The following AGFG1 variants were observed in gnomAD, a reference collection of about 807,000 sequenced individuals.
AGFG1 encodes ArfGAP with FG repeats 1.
In AGFG1, 10 loss-of-function variants were observed where a neutral mutation model predicts 60.6. That is an observed-to-expected ratio of 0.16 (90% CI 0.10 to 0.28). AGFG1 has a LOEUF of 0.28. Ranked by LOEUF, AGFG1 falls within the 10% of genes least tolerant of loss-of-function variation. AGFG1 has a pLI of 1.00. For missense variants in AGFG1, 537 were observed against 676.5 expected, an observed-to-expected ratio of 0.79 and a Z score of 2.29; for synonymous variants, 247 against 242.9, an observed-to-expected ratio of 1.02 and a Z score of -0.16.
chr2:227,495,533 G>A lies in AGFG1; in HGVS notation c.261+3893G>A, dbSNP rs188297486. On this transcript the variant is annotated intron_variant, in intron 2 of 12. Transcript: ENST00000310078. ...TGCACACCAGCCTCGGTGACCAAGC[G>A]AGATACTGTCTCAAAAAAAAAAAAA... Among the ~76,000 whole-genome samples the A allele has an allele frequency of 8.1e-4, 116 of 143,186 alleles. No individual in the cohort carries two copies. The East Asian group carries it at 0.021, about 26-fold the overall frequency. 93.9% of individuals were successfully genotyped at this position (143,186 alleles called of 152,430 possible).
chr2:227,524,795 CAGG>C lies in AGFG1; in HGVS notation c.577_579del (p.Glu193del), dbSNP rs769179839. 26 of 1,614,056 alleles carry C rather than the reference CAGG, an allele frequency of 1.6e-5. 1 individual carries two copies. In the Middle Eastern group the frequency reaches 4.9e-4, roughly 31 times the overall value. On this transcript the variant is annotated inframe_deletion, in exon 5 of 13. Transcript: ENST00000310078. ...TGTAGGTCGTTCTCAAGGGCAGCAG[CAGG>C]AGAAGAAGCAATTTGACCTTTTAAG...
intron 2 of AGFG1, among the ~76,000 whole-genome samples, chr2:227,496,003 A>T (rs774936556): frequency 6.6e-6 from 1 of 151,348 alleles, no homozygotes; most frequent in African/African-American, 2.4e-5. Flanking sequence ...CTGTAATCCC[A>T]GGTACTTGGG....
In AGFG1 at chr2:227,536,980, C is replaced by T; in HGVS notation, c.1365C>T (p.Ala455=). Residue 455 remains alanine, a synonymous_variant, in exon 10 of 13, where the codon GCC becomes GCT. Transcript: ENST00000310078. The part of the protein sequence containing the change: ...ASSTNPFQTN[A]RGATAATFGT... ...CTACAAACCCATTTCAGACCAATGCCAGAGGAGCAACAGGTAAGAAAAAGA... is the reference window on the plus strand; with the variant it reads ...CTACAAACCCATTTCAGACCAATGCTAGAGGAGCAACAGGTAAGAAAAAGA... 6.2e-7 allele frequency: 1 copy of T among 1,612,348 alleles called. No homozygotes were observed. The highest frequency in any genetic ancestry group is 8.5e-7 in the Non-Finnish European group (1 of 1,178,962).
At chr2:227,523,188 A>G (rs547259325) in intron 3 of AGFG1, among the ~76,000 whole-genome samples, 11 of 152,338 alleles carry the variant, frequency 7.2e-5, no homozygotes, top group African/African-American at 2.4e-4. Context: ...CACTTAGCTC[A>G]TAGGTGAATA....
At chr2:227,554,208 A>T (rs955929056) in intron 12 of AGFG1, among the ~76,000 whole-genome samples, 1 of 152,202 alleles carries the variant, frequency 6.6e-6, no homozygotes, top group Admixed American at 6.5e-5. Flanking sequence ...CTTAGAATCT[A>T]TTACAAGAAC....
At chr2:227,518,622 C>G (rs558527367) in intron 2 of AGFG1, among the ~76,000 whole-genome samples, 68 of 149,294 alleles carry the variant, frequency 4.6e-4, no homozygotes, top group African/African-American at 1.3e-3. Flanking sequence ...TTCCTGGGTT[C>G]AAGCCATTCT....
chr2:227,491,707 A>C (rs2106169389), intron 2 of AGFG1, 67 bp downstream of exon 2: 1 of 937,750 alleles, frequency 1.1e-6, no homozygotes. Flanking sequence ...AATGAGATTT[A>C]ATAAGTTATT....
intron 2 of AGFG1, among the ~76,000 whole-genome samples, chr2:227,502,361 C>T (rs1691184891): frequency 6.6e-6 from 1 of 152,092 alleles, no homozygotes; most frequent in African/African-American, 2.4e-5. Flanking sequence ...CACTCTGTTG[C>T]CCAGACTGGA....
In AGFG1 at chr2:227,520,079, G is replaced by T. The variant is rs751258123; in HGVS notation, c.377+16G>T. 5.6e-5 allele frequency: 83 copies of T among 1,481,548 alleles called. No homozygotes were observed. The highest frequency in any genetic ancestry group is 1.8e-6 in the Non-Finnish European group (2 of 1,085,766). The allele number at this position is 1,481,548 out of a possible 1,614,324, so 91.8% of individuals were successfully genotyped here. On this transcript the variant is annotated intron_variant, in intron 3 of 12. Transcript: ENST00000310078. Reference sequence around the variant, plus strand: ...AGAAAAGATGGTGAGTGAAGAGTTTGTATGTAGAATAAAGCCTCCCCAAAT... The same window carrying T: ...AGAAAAGATGGTGAGTGAAGAGTTTTTATGTAGAATAAAGCCTCCCCAAAT...
chr2:227,472,825 C>T (rs1257126385), intron 1 of AGFG1, among the ~76,000 whole-genome samples: 2 of 137,006 alleles, frequency 1.5e-5, no homozygotes, highest in East Asian at 2.6e-4. Flanking sequence ...GGTTTACGTT[C>T]TGGGCAGCCT....
At chr2:227,521,000 A>C (rs1377045964) in intron 3 of AGFG1, among the ~76,000 whole-genome samples, 1 of 152,226 alleles carries the variant, frequency 6.6e-6, no homozygotes. Flanking sequence ...ATTCAGGAGC[A>C]CATTAGCTCT....
At chr2:227,538,332 T>C (rs1692374634) in intron 10 of AGFG1, among the ~76,000 whole-genome samples, 1 of 152,224 alleles carries the variant, frequency 6.6e-6, no homozygotes, top group Non-Finnish European at 1.5e-5. Context: ...GTGTTCGAAT[T>C]CTGATTTATA....
chr2:227,545,629 C>T (rs1331760173), intron 10 of AGFG1, among the ~76,000 whole-genome samples: 4 of 152,144 alleles, frequency 2.6e-5, no homozygotes. Flanking sequence ...ATGATGGTGA[C>T]CTACAGATGG....
intron 1 of AGFG1, among the ~76,000 whole-genome samples, chr2:227,486,798 C>T (rs1207552866): frequency 1.3e-5 from 2 of 152,146 alleles, no homozygotes; most frequent in African/African-American, 4.8e-5. Flanking sequence ...AGCAGTGGTT[C>T]TCAACTGCAG....
At chr2:227,512,004 A>AT (rs900762982) in intron 2 of AGFG1, among the ~76,000 whole-genome samples, 6 of 152,160 alleles carry the variant, frequency 3.9e-5, no homozygotes, top group African/African-American at 1.4e-4. Context: ...GAAGAATTTG[A>AT]TTTTTACGTT....
chr2:227,548,773 T>C lies in AGFG1; in HGVS notation c.1379-3186T>C, dbSNP rs190122843. Among the ~76,000 whole-genome samples the C allele has an allele frequency of 5.9e-5, 9 of 152,130 alleles. No individual in the cohort carries two copies. The East Asian group carries it at 1.7e-3, about 29-fold the overall frequency. On this transcript the variant is annotated intron_variant, in intron 10 of 12. Coordinates refer to ENST00000310078, the MANE Select transcript of AGFG1 (RefSeq NM_004504.5). ...TAACACGGTGAAACCCCGTCTCTAC[T>C]AAAAATACAAAAAATTAGCTGGGCA...
Position 227,560,481 on chromosome 2 carries a change from A to T in AGFG1, c.*5986A>T, listed in dbSNP as rs1444095254. The stretch of plus-strand genomic sequence containing the variant: ...GAAAAAGCCTATGCTTTTAAATTAA[A>T]CTGTTAAGACAGTCCATTGAAAGAT... On this transcript the variant is annotated 3_prime_UTR_variant, in exon 13 of 13. Transcript: ENST00000310078. 1 of 152,074 alleles carries T rather than the reference A, an allele frequency of 6.6e-6. No homozygotes were observed. Among genetic ancestry groups the T allele is most frequent in the Non-Finnish European group, 1.5e-5 (1 of 67,950 alleles). The allele number at this position is 152,074 out of a possible 1,614,324, so 9.4% of individuals were successfully genotyped here.
Position 227,551,944 on chromosome 2 carries a change from C to G in AGFG1, c.1379-15C>G. The stretch of plus-strand genomic sequence containing the variant: ...TCCTGTTGTATGTAACTGATCAGCC[C>G]TTCTCTTCTGTCAGCGGCAACCTTT... On this transcript the variant is annotated splice_polypyrimidine_tract_variant and intron_variant, in intron 10 of 12. Transcript: ENST00000310078. 6.2e-7 allele frequency: 1 copy of G among 1,613,356 alleles called. No individual in the cohort carries two copies. Among genetic ancestry groups the G allele is most frequent in the Non-Finnish European group, 8.5e-7 (1 of 1,179,582 alleles).
chr2:227,517,728 AG>A (rs1387695522), intron 2 of AGFG1, among the ~76,000 whole-genome samples: 2 of 152,338 alleles, frequency 1.3e-5, no homozygotes, highest in Admixed American at 6.5e-5. Context: ...AATACTTGTC[AG>A]GGTTTTTGAA....
Sources: allele counts gnomAD v4.1 joint callset (sites outside exome capture counted in the v4.1 genomes callset), GRCh38; gene constraint gnomAD v4.1.1; transcripts MANE v1.5; gene names NCBI Gene and HGNC (gene_info 2026-07-23, HGNC 2026-07-21).